Variants in JARID2 observed in about 807,000 individuals in gnomAD.
The protein encoded by JARID2 is jumonji and AT-rich interaction domain containing 2.
In JARID2, 21 loss-of-function variants were observed where a neutral mutation model predicts 125.6. The observed-to-expected ratio is 0.17, with a 90% CI of 0.12 to 0.24. The LOEUF is 0.24. JARID2 is among the 10% of genes least tolerant of loss of function. JARID2 has a pLI of 1.00. For missense variants in JARID2, 1,303 were observed against 1,639.6 expected (o/e 0.79, Z 3.55); for synonymous variants, 736 against 661.6 (o/e 1.11, Z -1.73).
rs748116449 is a variant in JARID2, at chr6:15,449,205, A to G, written c.324-2801A>G. On this transcript the variant is annotated intron_variant, in intron 3 of 17. Transcript: ENST00000341776. ...TGCAAAAAAGCTCTCTTTGTTCCCC[A>G]TGACATAGAGATAGTGGCATTGCCT... Among the ~76,000 whole-genome samples the G allele has an allele frequency of 3.3e-5, 5 of 152,076 alleles. No individual in the cohort carries two copies. The South Asian group carries it at 8.3e-4, about 25-fold the overall frequency.
At chr6:15,262,830 G>A (rs549267116) in intron 1 of JARID2, among the ~76,000 whole-genome samples, 4 of 152,130 alleles carry the variant, frequency 2.6e-5, no homozygotes, top group South Asian at 2.1e-4. Context: ...TGCCCGGCCC[G>A]TTTGGCTATT....
chr6:15,329,910 T>A (rs1403090045), intron 1 of JARID2, among the ~76,000 whole-genome samples: 1 of 152,244 alleles, frequency 6.6e-6, no homozygotes, highest in East Asian at 1.9e-4. Context: ...CATATATTTC[T>A]TTACATACAG....
rs1444762319 is a variant in JARID2, at chr6:15,521,765, G to A, written c.*1514G>A. 6.6e-6 allele frequency: 1 copy of A among 152,202 alleles called. No homozygotes were observed. Among genetic ancestry groups the A allele is most frequent in the African/African-American group, 2.4e-5 (1 of 41,444 alleles). 9.4% of individuals were successfully genotyped at this position (152,202 alleles called of 1,614,324 possible). ...GGTTGTTGTTGCAGAAGACTGAACT[G>A]TTTTGGAATATTTAACAATTACAGA... On this transcript the variant is annotated 3_prime_UTR_variant, in exon 18 of 18. Coordinates refer to ENST00000341776, the MANE Select transcript of JARID2 (RefSeq NM_004973.4).
intron 3 of JARID2, among the ~76,000 whole-genome samples, chr6:15,435,475 G>A (rs1247379903): frequency 6.6e-6 from 1 of 152,208 alleles, no homozygotes; most frequent in African/African-American, 2.4e-5. Flanking sequence ...GTGGTAGGAT[G>A]CCACCTTCCT....
At chr6:15,422,021 C>T (rs561825131) in intron 3 of JARID2, among the ~76,000 whole-genome samples, 10 of 152,252 alleles carry the variant, frequency 6.6e-5, no homozygotes, top group African/African-American at 1.7e-4. Flanking sequence ...ATAAACTGAG[C>T]GATGGATAGA....
At chr6:15,364,847 T>TTGAGTAACTGAAA (rs1384625095) in intron 1 of JARID2, among the ~76,000 whole-genome samples, 1 of 152,166 alleles carries the variant, frequency 6.6e-6, no homozygotes, top group Non-Finnish European at 1.5e-5. Context: ...GGTGGTCGGA[T>TTGAGTAACTGAAA]TGTGGCCATT....
intron 3 of JARID2, among the ~76,000 whole-genome samples, chr6:15,413,411 G>C (rs1487728122): frequency 3.3e-5 from 5 of 152,118 alleles, no homozygotes; most frequent in Non-Finnish European, 1.5e-5. Flanking sequence ...GTTGTAGTTT[G>C]TTTCGTGTTG....
chr6:15,517,448 G>A (rs1230517610), intron 17 of JARID2, among the ~76,000 whole-genome samples, 180 bp downstream of exon 17: 1 of 152,196 alleles, frequency 6.6e-6, no homozygotes, highest in Non-Finnish European at 1.5e-5. Context: ...GGATCCCAGG[G>A]GGAGCGGGGT....
chr6:15,460,277 A>G (rs910408496), intron 4 of JARID2, among the ~76,000 whole-genome samples: 2 of 152,138 alleles, frequency 1.3e-5, no homozygotes, highest in Non-Finnish European at 2.9e-5. Flanking sequence ...ACTGTAGGTC[A>G]TTTTGCTGTG....
intron 1 of JARID2, among the ~76,000 whole-genome samples, chr6:15,305,668 A>G (rs1177377730): frequency 6.6e-6 from 1 of 152,200 alleles, no homozygotes; most frequent in Admixed American, 6.5e-5. Flanking sequence ...AGCAGACACC[A>G]TTGTTGACTG....
At chr6:15,444,418 G>C (rs1484756967) in intron 3 of JARID2, among the ~76,000 whole-genome samples, 2 of 152,054 alleles carry the variant, frequency 1.3e-5, no homozygotes, top group South Asian at 4.1e-4. Context: ...TGGTTTGCTC[G>C]CAACCGCACT....
intron 1 of JARID2, among the ~76,000 whole-genome samples, chr6:15,345,221 G>A (rs1471381301): frequency 6.6e-6 from 1 of 152,166 alleles, no homozygotes; most frequent in Non-Finnish European, 1.5e-5. Context: ...CTTTTCAAGA[G>A]GTGCTGGAGC....
At chr6:15,258,378 A>C (rs1759746549) in intron 1 of JARID2, among the ~76,000 whole-genome samples, 1 of 152,168 alleles carries the variant, frequency 6.6e-6, no homozygotes, top group Admixed American at 6.5e-5. Context: ...TCACCTCTCC[A>C]GGTCTCAGTT....
chr6:15,506,245 C>T (rs959617270), intron 9 of JARID2, among the ~76,000 whole-genome samples: 1 of 152,320 alleles, frequency 6.6e-6, no homozygotes, highest in Middle Eastern at 3.4e-3. Flanking sequence ...TCTTTACAGG[C>T]GCACCAGACG....
intron 5 of JARID2, among the ~76,000 whole-genome samples, chr6:15,470,808 C>A (rs546304354): frequency 6.6e-6 from 1 of 152,166 alleles, no homozygotes; most frequent in Non-Finnish European, 1.5e-5. Context: ...GGAAGAACAT[C>A]GCAAACAGAG....
chr6:15,263,591 A>G (rs1305370201), intron 1 of JARID2, among the ~76,000 whole-genome samples: 1 of 131,618 alleles, frequency 7.6e-6, no homozygotes, highest in East Asian at 2.2e-4. Context: ...GAGTCAGACA[A>G]TTTTTTTTTT....
At chr6:15,517,546 T>C (rs765973277) in intron 17 of JARID2, among the ~76,000 whole-genome samples, 12 of 152,236 alleles carry the variant, frequency 7.9e-5, no homozygotes, top group Non-Finnish European at 4.4e-5. Context: ...TCCCAAGGGC[T>C]GCACCACTGT....
chr6:15,511,758 G>A (rs546653802), intron 13 of JARID2, among the ~76,000 whole-genome samples: 1 of 152,294 alleles, frequency 6.6e-6, no homozygotes, highest in African/African-American at 2.4e-5. Context: ...TGAGTTCCTG[G>A]GAAGTGCTGC....
intron 2 of JARID2, among the ~76,000 whole-genome samples, chr6:15,374,714 T>C (rs888974491): frequency 6.6e-6 from 1 of 152,238 alleles, no homozygotes; most frequent in African/African-American, 2.4e-5. Flanking sequence ...CAGCTTTGCA[T>C]ACCTCTAGAA....
Sources: allele counts gnomAD v4.1 joint callset (sites outside exome capture counted in the v4.1 genomes callset), GRCh38; gene constraint gnomAD v4.1.1; transcripts MANE v1.5; gene names NCBI Gene and HGNC (gene_info 2026-07-23, HGNC 2026-07-21).